C1QBP: variants seen among roughly 807,000 people sequenced by gnomAD.
C1QBP encodes the protein complement C1q binding protein, also known as complement component 1 Q subcomponent-binding protein, mitochondrial.
Under a neutral mutation model 29.4 loss-of-function variants are expected in C1QBP, and 24 were observed. The ratio of observed to expected loss-of-function variants is 0.82; its 90% CI spans 0.59 to 1.15. C1QBP has a LOEUF of 1.15. Among genes scored for constraint, C1QBP ranks in the 50% most tolerant of loss-of-function variants. The pLI, the probability that C1QBP is intolerant of heterozygous loss-of-function variation, is 0.00. For synonymous variants in C1QBP, 182 were observed against 149.2 expected (o/e 1.22, Z -1.60); for missense variants, 337 against 355.8 (o/e 0.95, Z 0.43).
chr17:5,437,012 G>T (rs529394402), intron 2 of C1QBP, among the ~76,000 whole-genome samples: 2 of 152,206 alleles, frequency 1.3e-5, no homozygotes, highest in African/African-American at 2.4e-5. Flanking sequence ...GTGGGGTTGG[G>T]GGGGGAAGCT....
At chr17:5,433,498 T>C in intron 4 of C1QBP, 83 bp from the exon 5 acceptor site, 2 of 1,580,572 alleles carry the variant, frequency 1.3e-6, no homozygotes, top group Non-Finnish European at 1.7e-6. Context: ...ACTGACAGCA[T>C]GAAACTCATC....
chr17:5,438,437 A>C, intron 1 of C1QBP, 164 bp from the exon 2 acceptor site: 8 of 893,600 alleles, frequency 9.0e-6, no homozygotes, highest in Non-Finnish European at 1.3e-5. Flanking sequence ...CCATAATAGT[A>C]GTAGGAAGCT....
intron 1 of C1QBP, 107 bp downstream of exon 1, chr17:5,438,732 AATC>A: frequency 6.5e-7 from 1 of 1,540,430 alleles, no homozygotes; most frequent in Non-Finnish European, 8.7e-7. Context: ...GCTGGTTGCC[AATC>A]AATGGAAAAA....
rs1263270149 is a variant in C1QBP, at chr17:5,434,464, C to CTCTTT, written c.477+408_477+409insAAAGA. Among the ~76,000 whole-genome samples the CTCTTT allele has an allele frequency of 2.7e-3, 266 of 97,858 alleles. 4 individuals are homozygous for CTCTTT. Among genetic ancestry groups the CTCTTT allele is most frequent in the Admixed American group, 0.025 (209 of 8,286 alleles). 64.2% of individuals were successfully genotyped at this position (97,858 alleles called of 152,430 possible). A position where few individuals can be genotyped will look rare whatever the true frequency, so the allele number is the denominator to read the frequency against. On this transcript the variant is annotated intron_variant, in intron 3 of 5. Transcript: ENST00000225698. ...CTTATGCCCCTGCCATTCTCTCTCT[C>CTCTTT]TTTTTTTTTTTTTTTTTTTTTTGAG...
At position 5,439,053 on chromosome 17, in the gene C1QBP, G is replaced by A. The variant is rs1486992074; in HGVS notation, c.21C>T (p.Cys7=). The A allele has an allele frequency of 1.3e-6, 2 of 1,531,488 alleles. No homozygotes were observed. The highest frequency in any genetic ancestry group is 1.8e-6 in the Non-Finnish European group (2 of 1,139,600). The allele number at this position is 1,531,488 out of a possible 1,614,324, so 94.9% of individuals were successfully genotyped here. MLPLLR[C]VPRVLGSSVA... is the part of the protein sequence containing the mutation. ...CGGAGGAGCCCAGCACACGGGGCAC[G>A]CAGCGCAGCAGAGGCAGCATCGCGG... The change falls in exon 1 of 6, where the codon TGC becomes TGT. Residue 7 remains cysteine, a synonymous_variant. Coordinates refer to ENST00000225698, the MANE Select transcript of C1QBP (RefSeq NM_001212.4).
chr17:5,436,844 CCT>C (rs938387038), intron 2 of C1QBP, among the ~76,000 whole-genome samples: 66 of 152,212 alleles, frequency 4.3e-4, no homozygotes, highest in African/African-American at 1.5e-3. Flanking sequence ...ACGGTGAAAC[CCT>C]GTCTCTACTA....
intron 2 of C1QBP, among the ~76,000 whole-genome samples, chr17:5,435,874 CAAAAAA>C (rs200057698): frequency 0.24 from 25,202 of 105,814 alleles, 3,316 homozygotes; most frequent in East Asian, 0.66. Flanking sequence ...CTAAAAAATA[CAAAAAA>C]AAAAAAAAAA....
rs754589878 is a variant in C1QBP, at chr17:5,434,901, G to A, written c.449C>T (p.Ser150Leu). ...CTGTTCTTCAACCTTCTGCCCTTGC[G>A]AGGGTTCCTCCTCACCATCAAATGT... ...PPTFDGEEEP[S>L]QGQKVEEQEP... The change falls in exon 3 of 6, where the codon TCG (serine) becomes TTG (leucine). Residue 150 changes from serine to leucine, a missense_variant. Transcript: ENST00000225698. 8 of 1,614,014 alleles carry A rather than the reference G, an allele frequency of 5.0e-6. No homozygotes were observed. Among genetic ancestry groups the A allele is most frequent in the Admixed American group, 3.3e-5 (2 of 60,018 alleles).
At position 5,433,720 on chromosome 17, in the gene C1QBP, ATTCT is replaced by A. The variant is rs1916175344; in HGVS notation, c.521_524del (p.Lys174MetfsTer65). On this transcript the variant is annotated frameshift_variant, in exon 4 of 6. Transcript: ENST00000225698. LOFTEE classifies it high-confidence loss of function. ...ACACAAGGGCCTTCTTGCCATCATC[ATTCT>A]TTATAACTTCAACCACGAAATTGGG... 6.2e-7 allele frequency: 1 copy of A among 1,614,070 alleles called. No homozygotes were observed.
Position 5,433,752 on chromosome 17 carries a change from T to G in C1QBP, c.493A>C (p.Thr165Pro). 6.2e-7 allele frequency: 1 copy of G among 1,614,040 alleles called. No homozygotes were observed. ...VEEQEPELTS[T>P]PNFVVEVIKN... Reference sequence around the variant, plus strand: ...ATAACTTCAACCACGAAATTGGGAGTTGATGTCAGTTCAGGCTGGGGAAAC... The same window carrying G: ...ATAACTTCAACCACGAAATTGGGAGGTGATGTCAGTTCAGGCTGGGGAAAC... Residue 165 changes from threonine to proline, a missense_variant, in exon 4 of 6, where the codon ACT (threonine) becomes CCT (proline). By Grantham distance (38) the Thr-to-Pro change is conservative (BLOSUM62 -1). Coordinates refer to ENST00000225698, the MANE Select transcript of C1QBP (RefSeq NM_001212.4).
rs761276138 is a variant in C1QBP, at chr17:5,438,325, T to C, written c.233-52A>G. 6.9e-6 allele frequency: 11 copies of C among 1,590,756 alleles called. No homozygotes were observed. The East Asian group carries it at 2.2e-4, about 32-fold the overall frequency. On this transcript the variant is annotated intron_variant, in intron 1 of 5. Coordinates refer to ENST00000225698, the MANE Select transcript of C1QBP (RefSeq NM_001212.4). ...AAGGAAAGCCAGTTAGTCTAAAACA[T>C]AAAACTATTACCCAGGTTATTGCAG...
Position 5,438,204 on chromosome 17 carries a change from GT to G in C1QBP, c.301del (p.Thr101ProfsTer13). The G allele has an allele frequency of 6.2e-7, 1 of 1,614,022 alleles. No homozygotes were observed. The highest frequency in any genetic ancestry group is 1.1e-5 in the South Asian group (1 of 91,082). ...KEERKIQKHK[T>X]LPKMSGGWEL... ...CCAACCTCCAGACATCTTAGGGAGG[GT>G]TTTATGCTTCTGAATTTTTCTTTCC... is the stretch of plus-strand genomic sequence containing the variant. On this transcript the variant is annotated frameshift_variant, in exon 2 of 6. Transcript: ENST00000225698. LOFTEE classifies it high-confidence loss of function.
In C1QBP at chr17:5,433,036, CT is replaced by C; in HGVS notation, c.827del (p.Lys276ArgfsTer13). The C allele has an allele frequency of 6.2e-7, 1 of 1,613,524 alleles. No individual in the cohort carries two copies. The highest frequency in any genetic ancestry group is 8.5e-7 in the Non-Finnish European group (1 of 1,179,872). ...QEYITFLEDL[K>X]SFVKSQ ...TGCTCTACTGGCTCTTGACAAAACTCTTGAGGTCTTCAAGAAAAGTAATGTA... is the reference window on the plus strand; with the variant it reads ...TGCTCTACTGGCTCTTGACAAAACTCTGAGGTCTTCAAGAAAAGTAATGTA... On this transcript the variant is annotated frameshift_variant, in exon 6 of 6. Coordinates refer to ENST00000225698, the MANE Select transcript of C1QBP (RefSeq NM_001212.4). LOFTEE classifies it high-confidence loss of function.
At chr17:5,436,342 A>G (rs931358635) in intron 2 of C1QBP, among the ~76,000 whole-genome samples, 1 of 151,420 alleles carries the variant, frequency 6.6e-6, no homozygotes, top group Non-Finnish European at 1.5e-5. Context: ...ACTATGCAAC[A>G]GGCAAGAGAA....
intron 2 of C1QBP, 65 bp downstream of exon 2, chr17:5,438,058 G>T: frequency 6.5e-7 from 1 of 1,544,276 alleles, no homozygotes; most frequent in South Asian, 1.2e-5. Context: ...TTCTGGGGAT[G>T]ACCCAGGATG....
rs569350119 is a variant in C1QBP at position 5,438,395 on chromosome 17, T to C, written c.233-122A>G. ...CTAATCTCTCTGCTATTACGGTTAC[T>C]CTAGAAGCCTGTTTCCTTATCGGTA... is the stretch of plus-strand genomic sequence containing the variant. On this transcript the variant is annotated intron_variant, in intron 1 of 5. Coordinates refer to ENST00000225698, the MANE Select transcript of C1QBP (RefSeq NM_001212.4). The C allele has an allele frequency of 2.2e-4, 267 of 1,207,608 alleles. 1 individual carries two copies. Among genetic ancestry groups the C allele is most frequent in the Non-Finnish European group, 2.8e-4 (246 of 886,152 alleles). The allele number at this position is 1,207,608 out of a possible 1,614,324, so 74.8% of individuals were successfully genotyped here. A position where few individuals can be genotyped will look rare whatever the true frequency, so the allele number is the denominator to read the frequency against.
intron 3 of C1QBP, among the ~76,000 whole-genome samples, chr17:5,434,464 CTTTTTTTTTTT>C (rs576803401): frequency 8.2e-5 from 8 of 97,862 alleles, no homozygotes; most frequent in Non-Finnish European, 1.1e-4. Context: ...TTCTCTCTCT[CTTTTTTTTTTT>C]TTTTTTTTTT....
intron 1 of C1QBP, chr17:5,438,514 G>T: frequency 2.9e-6 from 2 of 701,294 alleles, no homozygotes; most frequent in Non-Finnish European, 4.6e-6. Flanking sequence ...TAAACCAGGA[G>T]AATTTCCAAT....
At chr17:5,437,371 C>T (rs185091186) in intron 2 of C1QBP, among the ~76,000 whole-genome samples, 39 of 152,356 alleles carry the variant, frequency 2.6e-4, no homozygotes, top group African/African-American at 8.4e-4. Context: ...GCGTCTTGCT[C>T]TGTTGCCCAG....
Sources: gnomAD v4.1 joint callset for allele counts (sites outside exome capture counted in the v4.1 genomes callset) on GRCh38, gnomAD v4.1.1 for gene constraint, MANE v1.5 for transcripts, NCBI Gene and HGNC (gene_info 2026-07-23, HGNC 2026-07-21) for gene names.